OPA1: variants seen among roughly 807,000 people sequenced by gnomAD.
OPA1 encodes the protein dynamin-like GTPase OPA1, mitochondrial.
A neutral mutation model predicts 152.9 loss-of-function variants in OPA1; 59 were observed. The ratio of observed to expected loss-of-function variants is 0.39; its 90% confidence interval spans 0.31 to 0.48. The LOEUF is 0.48. Among genes scored for constraint, OPA1 ranks in the 20% least tolerant of loss-of-function variants. The pLI is 0.96. For missense variants in OPA1, 1,008 were observed against 1,216.8 expected, an observed-to-expected ratio of 0.83 and a Z score of 2.55; for synonymous variants, 400 against 389.9, an observed-to-expected ratio of 1.03 and a Z score of -0.31.
chr3:193,600,422 C>T (rs1726288362), intron 1 of OPA1, among the ~76,000 whole-genome samples: 1 of 152,188 alleles, frequency 6.6e-6, no homozygotes, highest in African/African-American at 2.4e-5. Context: ...TGTCAATGTA[C>T]AGCTGCATAC....
At chr3:193,675,210 G>A (rs1455384030) in intron 29 of OPA1, among the ~76,000 whole-genome samples, 1 of 151,110 alleles carries the variant, frequency 6.6e-6, no homozygotes, top group Non-Finnish European at 1.5e-5. Context: ...CTGCACTGGT[G>A]TGTTCTTTTT....
chr3:193,636,175 G>A (rs577310933), intron 9 of OPA1, among the ~76,000 whole-genome samples: 3 of 152,024 alleles, frequency 2.0e-5, no homozygotes, highest in South Asian at 4.2e-4. Context: ...TGTACATTCT[G>A]TAGTCAAGGT....
chr3:193,690,606 C>T (rs1042302284), intron 29 of OPA1, among the ~76,000 whole-genome samples: 1 of 152,026 alleles, frequency 6.6e-6, no homozygotes, highest in African/African-American at 2.4e-5. Context: ...TCCTGCAATG[C>T]TAATAAGAAT....
At chr3:193,675,498 C>T (rs1320662390) in intron 29 of OPA1, among the ~76,000 whole-genome samples, 3 of 151,926 alleles carry the variant, frequency 2.0e-5, no homozygotes, top group Admixed American at 6.5e-5. Flanking sequence ...TAACACATCT[C>T]GAGGCAACCT....
chr3:193,608,866 G>C (rs1240394169), intron 1 of OPA1, among the ~76,000 whole-genome samples: 6 of 152,082 alleles, frequency 3.9e-5, no homozygotes, highest in Non-Finnish European at 8.8e-5. Context: ...CTCAGGGCTT[G>C]CTTTATGAAT....
chr3:193,648,056 T>G lies in OPA1; in HGVS notation c.1871-14T>G, dbSNP rs1368566200. The G allele has an allele frequency of 6.2e-7, 1 of 1,608,000 alleles. No individual in the cohort carries two copies. The highest frequency in any genetic ancestry group is 8.5e-7 in the Non-Finnish European group (1 of 1,174,656). On this transcript the variant is annotated splice_polypyrimidine_tract_variant and intron_variant, in intron 19 of 30. Transcript: ENST00000361510. ...AGGAGGGTCATCAAACTTGAACTTT[T>G]CCTTCTTCCTCAGCAACACGTTTTA...
chr3:193,680,576 T>C (rs896858937), intron 29 of OPA1, among the ~76,000 whole-genome samples: 1 of 152,240 alleles, frequency 6.6e-6, no homozygotes, highest in Non-Finnish European at 1.5e-5. Flanking sequence ...AGGTGATAAA[T>C]GATGCCTACC....
intron 22 of OPA1, among the ~76,000 whole-genome samples, chr3:193,656,748 A>G (rs1240584314): frequency 1.3e-5 from 2 of 152,172 alleles, no homozygotes; most frequent in African/African-American, 2.4e-5. Context: ...GAATATGGGT[A>G]TATCCTTCTC....
At chr3:193,621,439 T>C (rs1327467139) in intron 6 of OPA1, among the ~76,000 whole-genome samples, 2 of 152,212 alleles carry the variant, frequency 1.3e-5, no homozygotes, top group African/African-American at 2.4e-5. Flanking sequence ...TCCTGGAAAG[T>C]TATAATACCG....
At chr3:193,663,398 T>G (rs1328093079) in intron 26 of OPA1, among the ~76,000 whole-genome samples, 1 of 152,170 alleles carries the variant, frequency 6.6e-6, no homozygotes, top group Non-Finnish European at 1.5e-5. Context: ...ATGTTGTTTT[T>G]ATTAAATTGG....
intron 30 of OPA1, among the ~76,000 whole-genome samples, chr3:193,692,679 G>A (rs1721845440): frequency 6.6e-6 from 1 of 152,140 alleles, no homozygotes; most frequent in African/African-American, 2.4e-5. Context: ...GGCATTAGAG[G>A]CATGTTCCTA....
At chr3:193,694,340 A>G (rs191582791) in intron 30 of OPA1, among the ~76,000 whole-genome samples, 1 of 152,206 alleles carries the variant, frequency 6.6e-6, no homozygotes, top group Admixed American at 6.5e-5. Context: ...TTGTTATTCT[A>G]ATATTTGCTG....
At chr3:193,618,373 G>A (rs1729407649) in intron 5 of OPA1, among the ~76,000 whole-genome samples, 1 of 151,990 alleles carries the variant, frequency 6.6e-6, no homozygotes, top group Non-Finnish European at 1.5e-5. Context: ...AGCTACTCGG[G>A]AGGCTGAGGC....
At chr3:193,612,911 G>A (rs563729360) in intron 1 of OPA1, among the ~76,000 whole-genome samples, 11 of 152,100 alleles carry the variant, frequency 7.2e-5, no homozygotes, top group Non-Finnish European at 1.6e-4. Flanking sequence ...AGTGGAGCTC[G>A]GAATCTGAGA....
rs1312237162 is a variant in OPA1, at chr3:193,614,917, C to G, written c.227C>G (p.Ser76Cys). ...CTTCCTTTACGTAAACTGAAATTCTCTCCAATTAAATATGGCTACCAGCCT... is the reference window on the plus strand; with the variant it reads ...CTTCCTTTACGTAAACTGAAATTCTGTCCAATTAAATATGGCTACCAGCCT... ...TNLPLRKLKF[S>C]PIKYGYQPRR... The change falls in exon 2 of 31, where the codon TCT (serine) becomes TGT (cysteine). Residue 76 changes from serine (S) to cysteine (C), a missense_variant. Around this residue, in one of 7 missense-constraint regions of OPA1, gnomAD observed 408 missense variants for 395.1 expected, o/e 1.03. Coordinates refer to ENST00000361510, the MANE Select transcript of OPA1 (RefSeq NM_130837.3). The G allele has an allele frequency of 6.2e-7, 1 of 1,613,862 alleles. No individual in the cohort carries two copies.
At chr3:193,652,701 G>T (rs1244885150) in intron 21 of OPA1, among the ~76,000 whole-genome samples, 2 of 152,122 alleles carry the variant, frequency 1.3e-5, no homozygotes, top group African/African-American at 2.4e-5. Context: ...AGTGTAAAAT[G>T]GTTTGTCATG....
At chr3:193,669,314 T>G (rs1201278979) in intron 29 of OPA1, among the ~76,000 whole-genome samples, 1 of 152,232 alleles carries the variant, frequency 6.6e-6, no homozygotes, top group East Asian at 1.9e-4. Flanking sequence ...TTAAATATTC[T>G]TCTTTCGAGA....
At chr3:193,650,739 C>T (rs1712210773) in intron 21 of OPA1, among the ~76,000 whole-genome samples, 1 of 152,136 alleles carries the variant, frequency 6.6e-6, no homozygotes, top group African/African-American at 2.4e-5. Context: ...GTAGGAAATA[C>T]TCACTCAGCA....
At chr3:193,635,680 T>C (rs550229340) in intron 9 of OPA1, among the ~76,000 whole-genome samples, 158 bp downstream of exon 9, 1 of 152,332 alleles carries the variant, frequency 6.6e-6, no homozygotes, top group East Asian at 1.9e-4. Flanking sequence ...TATTAAGACA[T>C]TTTATAAGTT....
Sources: allele counts gnomAD v4.1 joint callset (sites outside exome capture counted in the v4.1 genomes callset), GRCh38; gene constraint gnomAD v4.1.1; regional missense constraint gnomAD v4.1.1; transcripts MANE v1.5; gene names NCBI Gene and HGNC (gene_info 2026-07-23, HGNC 2026-07-21).